The following PAPPA2 variants were observed in gnomAD, a reference collection of about 807,000 sequenced individuals.
The protein encoded by PAPPA2 is pappalysin 2, also known as pappalysin-2.
Under a neutral mutation model 176.4 loss-of-function variants are expected in PAPPA2, and 86 were observed. That is an observed-to-expected ratio of 0.49 (90% CI 0.41 to 0.58). The LOEUF is 0.58. PAPPA2 is among the 20% of genes least tolerant of loss of function. PAPPA2 has a pLI of 0.00. For missense variants in PAPPA2, 2,073 were observed against 2,256.9 expected, an observed-to-expected ratio of 0.92 and a Z score of 1.65; for synonymous variants, 809 against 852.2, an observed-to-expected ratio of 0.95 and a Z score of 0.88.
At chr1:176,479,572 C>A (rs938924915) in intron 1 of PAPPA2, among the ~76,000 whole-genome samples, 2 of 152,110 alleles carry the variant, frequency 1.3e-5, no homozygotes, top group African/African-American at 4.8e-5. Context: ...GCTATGTGTA[C>A]CCTTGGGCAT....
intron 6 of PAPPA2, 21 bp downstream of exon 6, chr1:176,692,339 G>A: frequency 6.3e-7 from 1 of 1,576,822 alleles, no homozygotes; most frequent in Non-Finnish European, 8.7e-7. Flanking sequence ...CACTGGCTGT[G>A]GGTGAGCTGG....
chr1:176,594,635 C>G lies in PAPPA2; in HGVS notation c.1031C>G (p.Thr344Ser), dbSNP rs1653853321. Residue 344 changes from threonine (T) to serine (S), a missense_variant, in exon 3 of 23, where the codon ACC (threonine) becomes AGC (serine). This residue lies in a region of PAPPA2 where 1,196 missense variants were observed against 1,330.4 expected (regional missense o/e 0.90). Transcript: ENST00000367662. ...GCTCGCTTCTTCTTCTCCCTCTGCA[C>G]CGACCGCGTGAAGAAAGCCACCATC... ...RDARFFFSLC[T>S]DRVKKATILI... is the part of the protein sequence containing the mutation. 1.2e-6 allele frequency: 2 copies of G among 1,614,074 alleles called. No homozygotes were observed. The highest frequency in any genetic ancestry group is 1.6e-4 in the Middle Eastern group (1 of 6,084).
intron 1 of PAPPA2, among the ~76,000 whole-genome samples, chr1:176,521,141 G>A (rs537116443): frequency 4.6e-5 from 7 of 151,480 alleles, no homozygotes; most frequent in South Asian, 2.1e-4. Flanking sequence ...AGAGTAGGGC[G>A]GTGTAGTGGA....
At chr1:176,780,650 C>T in intron 17 of PAPPA2, among the ~76,000 whole-genome samples, 1 of 152,040 alleles carries the variant, frequency 6.6e-6, no homozygotes, top group East Asian at 1.9e-4. Context: ...GTGTTGGCAG[C>T]TCTGTCAGGT....
rs139342536 is a variant in PAPPA2, at chr1:176,614,445, G to A, written c.1991+18850G>A. Among the ~76,000 whole-genome samples, 88 of 152,264 alleles carry A rather than the reference G, an allele frequency of 5.8e-4. 2 individuals carry two copies. The East Asian group carries it at 0.016, about 28-fold the overall frequency. On this transcript the variant is annotated intron_variant, in intron 3 of 22. Transcript: ENST00000367662. ...TCACAGTTATTACATATGAAAACCTGAAAAGTTGGCCAGGAACTAAGCAAA... is the reference window on the plus strand; with the variant it reads ...TCACAGTTATTACATATGAAAACCTAAAAAGTTGGCCAGGAACTAAGCAAA...
chr1:176,674,336 T>G (rs912631509), intron 4 of PAPPA2, among the ~76,000 whole-genome samples: 1 of 152,094 alleles, frequency 6.6e-6, no homozygotes, highest in Admixed American at 6.6e-5. Context: ...TAGTGATGAC[T>G]TCTGAGATTT....
At chr1:176,602,710 C>T (rs1027450464) in intron 3 of PAPPA2, among the ~76,000 whole-genome samples, 1 of 151,408 alleles carries the variant, frequency 6.6e-6, no homozygotes, top group Non-Finnish European at 1.5e-5. Context: ...TAAAACTAAA[C>T]AGCAAAAAAA....
chr1:176,632,957 G>A (rs1217898036), intron 3 of PAPPA2, among the ~76,000 whole-genome samples: 1 of 152,174 alleles, frequency 6.6e-6, no homozygotes, highest in African/African-American at 2.4e-5. Context: ...GGAAGAAGAG[G>A]AGGGGAAGGA....
chr1:176,789,673 C>T, intron 17 of PAPPA2, 136 bp from the exon 18 acceptor site: 1 of 855,524 alleles, frequency 1.2e-6, no homozygotes, highest in Non-Finnish European at 1.8e-6. Context: ...TAGCCTAGGA[C>T]AGTGGGACAT....
intron 3 of PAPPA2, among the ~76,000 whole-genome samples, chr1:176,605,201 C>T (rs1460501832): frequency 6.6e-6 from 1 of 152,082 alleles, no homozygotes; most frequent in East Asian, 1.9e-4. Flanking sequence ...CTTTACCTAG[C>T]GAGTCAGTGA....
chr1:176,489,971 G>A (rs527955570), intron 1 of PAPPA2, among the ~76,000 whole-genome samples: 12 of 152,234 alleles, frequency 7.9e-5, no homozygotes, highest in African/African-American at 2.4e-4. Flanking sequence ...TTTGTGAAAC[G>A]ACTTCAGACA....
chr1:176,690,193 A>C lies in PAPPA2; in HGVS notation c.2194A>C (p.Ile732Leu). The C allele has an allele frequency of 1.2e-6, 2 of 1,614,118 alleles. No individual in the cohort carries two copies. Among genetic ancestry groups the C allele is most frequent in the Non-Finnish European group, 1.7e-6 (2 of 1,179,974 alleles). The change falls in exon 5 of 23, where the codon ATC becomes CTC. Residue 732 changes from isoleucine (I) to leucine (L), a missense_variant. Physicochemically the swap from Ile to Leu is conservative, Grantham distance 5. Transcript: ENST00000367662. ...GATGCCTGGCCACACCGACACCATG[A>C]TCCATGAAGTGGGACATGTTCTGGG... The part of the protein sequence containing the change: ...YGMPGHTDTM[I>L]HEVGHVLGLY...
chr1:176,463,891 A>AGT (rs1386678380), intron 1 of PAPPA2, among the ~76,000 whole-genome samples: 1 of 151,988 alleles, frequency 6.6e-6, no homozygotes, highest in African/African-American at 2.4e-5. Flanking sequence ...GCTGAGGATG[A>AGT]GTGTGTGTGG....
chr1:176,678,892 A>G (rs1659443889), intron 4 of PAPPA2, among the ~76,000 whole-genome samples: 1 of 152,158 alleles, frequency 6.6e-6, no homozygotes, highest in Admixed American at 6.6e-5. Context: ...AAAAATATAT[A>G]CAGAATGTAT....
At chr1:176,484,781 T>A (rs1652574152) in intron 1 of PAPPA2, among the ~76,000 whole-genome samples, 1 of 152,242 alleles carries the variant, frequency 6.6e-6, no homozygotes, top group African/African-American at 2.4e-5. Flanking sequence ...TTAGAACCTT[T>A]AGCTTATTAA....
At chr1:176,687,411 G>A (rs778131698) in intron 4 of PAPPA2, among the ~76,000 whole-genome samples, 1 of 152,042 alleles carries the variant, frequency 6.6e-6, no homozygotes, top group Non-Finnish European at 1.5e-5. Flanking sequence ...ATTGAAAGAT[G>A]GCTGTTGCAA....
Position 176,623,801 on chromosome 1 carries a change from T to TTCTTTCTTTCTTTC in PAPPA2, c.1991+28214_1991+28215insTCTTTCTCTTTCTT, listed in dbSNP as rs1553376035. Among the ~76,000 whole-genome samples the TTCTTTCTTTCTTTC allele has an allele frequency of 1.8e-3, 216 of 121,356 alleles. 2 individuals carry two copies. Among genetic ancestry groups the TTCTTTCTTTCTTTC allele is most frequent in the African/African-American group, 6.3e-3 (203 of 32,268 alleles). 79.6% of individuals were successfully genotyped at this position (121,356 alleles called of 152,430 possible). ...TTTCTTTCTTTCTTTCTTTCTTTCT[T>TTCTTTCTTTCTTTC]TCTTTCTTCTTTCTTTCTTCTCTCT... On this transcript the variant is annotated intron_variant, in intron 3 of 22. Transcript: ENST00000367662.
chr1:176,712,630 G>A (rs1205351318), intron 12 of PAPPA2, among the ~76,000 whole-genome samples: 1 of 152,098 alleles, frequency 6.6e-6, no homozygotes, highest in African/African-American at 2.4e-5. Context: ...TCTCTATTAT[G>A]CTATTACAAG....
chr1:176,547,510 C>T (rs1650704431), intron 1 of PAPPA2, among the ~76,000 whole-genome samples: 2 of 152,162 alleles, frequency 1.3e-5, no homozygotes, highest in African/African-American at 4.8e-5. Context: ...GTTGTCATGA[C>T]TTACTTTGGC....
Sources: gnomAD v4.1 joint callset for allele counts (sites outside exome capture counted in the v4.1 genomes callset) on GRCh38, gnomAD v4.1.1 for gene constraint, gnomAD v4.1.1 regional missense constraint, MANE v1.5 for transcripts, NCBI Gene and HGNC (gene_info 2026-07-23, HGNC 2026-07-21) for gene names.